Variants in SEMA5A observed in about 807,000 individuals in gnomAD.
SEMA5A encodes the protein semaphorin 5A, also known as semaphorin-5A.
In SEMA5A, 55 loss-of-function variants were observed where a neutral mutation model predicts 135.5. The ratio of observed to expected loss-of-function variants is 0.41; its 90% CI spans 0.33 to 0.51. The LOEUF (loss-of-function observed/expected upper bound fraction) is 0.51. Ranked by LOEUF, SEMA5A falls within the 20% of genes least tolerant of loss-of-function variation. SEMA5A has a pLI of 0.37. For missense variants in SEMA5A, 1,290 were observed against 1,419.9 expected (o/e 0.91, Z 1.47); for synonymous variants, 580 against 546.5 (o/e 1.06, Z -0.85).
chr5:9,360,195 T>C (rs1754630055), intron 3 of SEMA5A, among the ~76,000 whole-genome samples: 1 of 152,146 alleles, frequency 6.6e-6, no homozygotes, highest in South Asian at 2.1e-4. Flanking sequence ...AGTAAATTAA[T>C]CAAAAGCTAG....
At chr5:9,429,299 T>C (rs1241778524) in intron 2 of SEMA5A, among the ~76,000 whole-genome samples, 1 of 152,120 alleles carries the variant, frequency 6.6e-6, no homozygotes, top group African/African-American at 2.4e-5. Context: ...AGAAATAGGG[T>C]ATTACTCATG....
intron 5 of SEMA5A, among the ~76,000 whole-genome samples, chr5:9,248,826 A>G (rs949718900): frequency 6.6e-6 from 1 of 152,186 alleles, no homozygotes; most frequent in South Asian, 2.1e-4. Context: ...AAACTTCTGG[A>G]GAAAGTGTGG....
chr5:9,380,019 A>G lies in SEMA5A; in HGVS notation c.-73T>C, dbSNP rs1211680794. The G allele has an allele frequency of 6.6e-6, 10 of 1,522,232 alleles. No individual in the cohort carries two copies. The highest frequency in any genetic ancestry group is 8.8e-6 in the Non-Finnish European group (10 of 1,132,442). The allele number at this position is 1,522,232 out of a possible 1,614,324, so 94.3% of individuals were successfully genotyped here. A position where few individuals can be genotyped will look rare whatever the true frequency, so the allele number is the denominator to read the frequency against. On this transcript the variant is annotated 5_prime_UTR_variant, in exon 3 of 23. Coordinates refer to ENST00000382496, the MANE Select transcript of SEMA5A (RefSeq NM_003966.3). Reference sequence around the variant, plus strand: ...GCTCTTCTTCTCCTCATGTGTGGAAAGTGCCTAAAACACACAAAAGAGAAG... The same window carrying G: ...GCTCTTCTTCTCCTCATGTGTGGAAGGTGCCTAAAACACACAAAAGAGAAG...
At chr5:9,444,452 A>T (rs753524106) in intron 1 of SEMA5A, among the ~76,000 whole-genome samples, 1 of 152,170 alleles carries the variant, frequency 6.6e-6, no homozygotes, top group Non-Finnish European at 1.5e-5. Flanking sequence ...TTGGTTTTCC[A>T]TTCCTGCATT....
intron 5 of SEMA5A, among the ~76,000 whole-genome samples, chr5:9,301,114 A>C (rs1319607829): frequency 2.0e-5 from 3 of 152,178 alleles, no homozygotes; most frequent in Non-Finnish European, 4.4e-5. Context: ...CTTCAGAAAA[A>C]CTTTGACAAC....
chr5:9,180,065 T>C (rs1023475682), intron 11 of SEMA5A, among the ~76,000 whole-genome samples: 1 of 152,186 alleles, frequency 6.6e-6, no homozygotes, highest in Admixed American at 6.5e-5. Context: ...TGCACTCCAA[T>C]CTCTGCCCGT....
At chr5:9,523,562 G>A (rs760589008) in intron 1 of SEMA5A, among the ~76,000 whole-genome samples, 5 of 152,138 alleles carry the variant, frequency 3.3e-5, no homozygotes, top group Non-Finnish European at 7.3e-5. Flanking sequence ...AGGGACAAAG[G>A]GAAGGTGACA....
intron 6 of SEMA5A, among the ~76,000 whole-genome samples, chr5:9,233,793 G>A (rs1747759448): frequency 6.6e-6 from 1 of 152,242 alleles, no homozygotes; most frequent in East Asian, 1.9e-4. Flanking sequence ...CATCAGAACA[G>A]CAAGTGGGCA....
intron 2 of SEMA5A, among the ~76,000 whole-genome samples, chr5:9,400,501 A>ATTTTTTTTTTTTTTTTTTTT (rs1215358817): frequency 3.4e-5 from 3 of 87,020 alleles, no homozygotes; most frequent in African/African-American, 1.5e-4. Flanking sequence ...CACAATGTAC[A>ATTTTTTTTTTTTTTTTTTTT]TTTTTTTTTT....
chr5:9,492,099 G>A (rs1735042947), intron 1 of SEMA5A, among the ~76,000 whole-genome samples: 1 of 152,144 alleles, frequency 6.6e-6, no homozygotes, highest in Non-Finnish European at 1.5e-5. Flanking sequence ...ATTCTTCTTG[G>A]AACTGCGGAC....
At chr5:9,108,447 T>C (rs756655168) in intron 15 of SEMA5A, among the ~76,000 whole-genome samples, 160 bp from the exon 16 acceptor site, 36 of 152,246 alleles carry the variant, frequency 2.4e-4, no homozygotes, top group Admixed American at 2.6e-4. Flanking sequence ...AGAAGGCAGA[T>C]GTGGTGCTGG....
At chr5:9,152,278 G>A (rs1742674286) in intron 12 of SEMA5A, among the ~76,000 whole-genome samples, 2 of 152,126 alleles carry the variant, frequency 1.3e-5, no homozygotes, top group Non-Finnish European at 2.9e-5. Flanking sequence ...TGAAAGACTG[G>A]TGTCCTTCTA....
chr5:9,072,905 G>C (rs1737846818), intron 16 of SEMA5A, among the ~76,000 whole-genome samples: 1 of 152,130 alleles, frequency 6.6e-6, no homozygotes, highest in African/African-American at 2.4e-5. Context: ...AATTGAAACT[G>C]ATGCAGATAT....
chr5:9,105,555 T>C (rs937580246), intron 16 of SEMA5A, among the ~76,000 whole-genome samples: 6 of 152,168 alleles, frequency 3.9e-5, no homozygotes, highest in Non-Finnish European at 8.8e-5. Context: ...GAGAAGCAGC[T>C]GAAGCCCATG....
rs1318791524 is a variant in SEMA5A, at chr5:9,042,572, A to G, written c.*325T>C. On this transcript the variant is annotated 3_prime_UTR_variant, in exon 23 of 23. Coordinates refer to ENST00000382496, the MANE Select transcript of SEMA5A (RefSeq NM_003966.3). ...ATTTACACTCCAAAGTTCTAAAGAA[A>G]GACTCCTTCCAATGTGGGTGGCACA... 2 of 297,560 alleles carry G rather than the reference A, an allele frequency of 6.7e-6. No individual in the cohort carries two copies. The highest frequency in any genetic ancestry group is 1.3e-5 in the Non-Finnish European group (2 of 159,058). The allele number at this position is 297,560 out of a possible 1,614,324, so 18.4% of individuals were successfully genotyped here. A position where few individuals can be genotyped will look rare whatever the true frequency, so the allele number is the denominator to read the frequency against.
At chr5:9,063,246 C>A in intron 17 of SEMA5A, 141 bp from the exon 18 acceptor site, 1 of 786,564 alleles carries the variant, frequency 1.3e-6, no homozygotes, top group Non-Finnish European at 2.1e-6. Context: ...TTTTACACTT[C>A]AGTAGCCAAA....
intron 11 of SEMA5A, among the ~76,000 whole-genome samples, chr5:9,162,187 T>A (rs1743292828): frequency 1.3e-5 from 2 of 152,168 alleles, no homozygotes. Context: ...AGCTTCTGTG[T>A]CTCTTTTATG....
intron 5 of SEMA5A, among the ~76,000 whole-genome samples, chr5:9,276,897 C>T (rs1750292262): frequency 6.6e-6 from 1 of 152,146 alleles, no homozygotes; most frequent in Admixed American, 6.5e-5. Context: ...AGGACATAGG[C>T]ATGGGCAAAG....
chr5:9,071,948 C>T (rs1161054944), intron 16 of SEMA5A, among the ~76,000 whole-genome samples: 2 of 152,260 alleles, frequency 1.3e-5, no homozygotes, highest in Middle Eastern at 3.4e-3. Context: ...TAGAACCATG[C>T]TCCCAGGAGC....
Sources: allele counts gnomAD v4.1 joint callset (sites outside exome capture counted in the v4.1 genomes callset), GRCh38; gene constraint gnomAD v4.1.1; transcripts MANE v1.5; gene names NCBI Gene and HGNC (gene_info 2026-07-23, HGNC 2026-07-21).